The following ACSS3 variants were observed in gnomAD, a reference collection of about 807,000 sequenced individuals.
ACSS3 encodes the protein acyl-CoA synthetase short-chain family member 3, mitochondrial.
In ACSS3, 64 loss-of-function variants were observed where a neutral mutation model predicts 84.2. The ratio of observed to expected loss-of-function variants is 0.76; its 90% CI spans 0.62 to 0.94. The LOEUF (loss-of-function observed/expected upper bound fraction) is 0.94. Among genes scored for constraint, ACSS3 ranks in the 40% least tolerant of loss-of-function variants. The pLI, the probability that ACSS3 is intolerant of heterozygous loss-of-function variation, is 0.00. For synonymous variants in ACSS3, 317 were observed against 310.1 expected (o/e 1.02, Z -0.23); for missense variants, 815 against 867.6 (o/e 0.94, Z 0.76).
chr12:81,118,149 C>T (rs1884208255), intron 2 of ACSS3: 1 of 152,128 alleles, frequency 6.6e-6, no homozygotes, highest in Non-Finnish European at 1.5e-5. Flanking sequence ...TAAACATTTA[C>T]TTAATAACTG....
chr12:81,122,924 T>C (rs918191994), intron 2 of ACSS3, among the ~76,000 whole-genome samples: 1 of 152,202 alleles, frequency 6.6e-6, no homozygotes, highest in East Asian at 1.9e-4. Context: ...AAAAATCATT[T>C]GAAAAATTTT....
At chr12:81,250,545 AC>A (rs2034120828) in intron 13 of ACSS3, among the ~76,000 whole-genome samples, 1 of 152,132 alleles carries the variant, frequency 6.6e-6, no homozygotes, top group African/African-American at 2.4e-5. Context: ...AAGACTAAGG[AC>A]AAAAACTTAG....
chr12:81,213,596 C>G (rs1228810847), intron 9 of ACSS3, among the ~76,000 whole-genome samples: 1 of 19,384 alleles, frequency 5.2e-5, no homozygotes, highest in Non-Finnish European at 1.0e-4. Context: ...CCTCCCCTCC[C>G]CTCCCCTCCC....
At chr12:81,120,057 G>C (rs887692623) in intron 2 of ACSS3, among the ~76,000 whole-genome samples, 6 of 147,492 alleles carry the variant, frequency 4.1e-5, no homozygotes, top group African/African-American at 1.5e-4. Context: ...TAGAAGCTGG[G>C]TCAAGTAATA....
intron 9 of ACSS3, among the ~76,000 whole-genome samples, chr12:81,200,190 A>G (rs1223134901): frequency 6.6e-6 from 1 of 152,166 alleles, no homozygotes; most frequent in South Asian, 2.1e-4. Flanking sequence ...GGATGGCTAT[A>G]TATATGAGAA....
At chr12:81,226,086 T>A (rs914042593) in intron 11 of ACSS3, among the ~76,000 whole-genome samples, 13 of 151,892 alleles carry the variant, frequency 8.6e-5, no homozygotes, top group African/African-American at 2.9e-4. Flanking sequence ...TGTTTATTTC[T>A]TAATCAGTCT....
chr12:81,101,307 A>G (rs1882492698), intron 1 of ACSS3, among the ~76,000 whole-genome samples: 1 of 152,186 alleles, frequency 6.6e-6, no homozygotes, highest in South Asian at 2.1e-4. Flanking sequence ...ATTAAAATTT[A>G]TATTTTTTAT....
intron 7 of ACSS3, among the ~76,000 whole-genome samples, chr12:81,165,182 T>C (rs1391766801): frequency 6.6e-6 from 1 of 152,200 alleles, no homozygotes; most frequent in African/African-American, 2.4e-5. Flanking sequence ...TGTCTATGTT[T>C]TATGTTGGAG....
At chr12:81,213,811 C>CTCTTCTCTTCTCTTA (rs1259566297) in intron 9 of ACSS3, among the ~76,000 whole-genome samples, 1 of 51,098 alleles carries the variant, frequency 2.0e-5, no homozygotes, top group Non-Finnish European at 5.0e-5. Flanking sequence ...CTCTTCTCTT[C>CTCTTCTCTTCTCTTA]TCTTCTCTTC....
intron 1 of ACSS3, among the ~76,000 whole-genome samples, chr12:81,080,957 G>A (rs10506840): frequency 0.078 from 11,821 of 152,240 alleles, 600 homozygotes; most frequent in South Asian, 0.13. Flanking sequence ...GGGAGATATT[G>A]ACAGCCAAGT....
At chr12:81,101,712 G>C (rs1320156673) in intron 1 of ACSS3, among the ~76,000 whole-genome samples, 1 of 151,972 alleles carries the variant, frequency 6.6e-6, no homozygotes, top group Non-Finnish European at 1.5e-5. Context: ...CATTATACGA[G>C]AATGCTGTTT....
chr12:81,252,813 C>G (rs917304234), intron 13 of ACSS3, among the ~76,000 whole-genome samples: 9 of 152,002 alleles, frequency 5.9e-5, no homozygotes, highest in African/African-American at 1.9e-4. Flanking sequence ...GGGTGGGTGG[C>G]CACTAGAGGA....
rs570572273 is a variant in ACSS3 at position 81,219,888 on chromosome 12, C to T, written c.1451-125C>T. The T allele has an allele frequency of 8.2e-4, 404 of 491,350 alleles. 3 individuals are homozygous for T. The East Asian group carries it at 0.015, about 18-fold the overall frequency. 30.4% of individuals were successfully genotyped at this position (491,350 alleles called of 1,614,324 possible). A position where few individuals can be genotyped will look rare whatever the true frequency, so the allele number is the denominator to read the frequency against. ...ATTTTAGTTTATATTTGTTCATGGTCTCACAGGAATTAAAAGATTACTCTC... is the reference window on the plus strand; with the variant it reads ...ATTTTAGTTTATATTTGTTCATGGTTTCACAGGAATTAAAAGATTACTCTC... On this transcript the variant is annotated intron_variant, in intron 10 of 15. Coordinates refer to ENST00000548058, the MANE Select transcript of ACSS3 (RefSeq NM_024560.4).
At chr12:81,142,302 A>G (rs1434432059) in intron 4 of ACSS3, among the ~76,000 whole-genome samples, 1 of 152,220 alleles carries the variant, frequency 6.6e-6, no homozygotes. Context: ...GAAAAAAACT[A>G]GGCTTTTAAT....
At chr12:81,253,145 T>C (rs1269352911) in intron 13 of ACSS3, among the ~76,000 whole-genome samples, 162 bp from the exon 14 acceptor site, 1 of 152,220 alleles carries the variant, frequency 6.6e-6, no homozygotes, top group African/African-American at 2.4e-5. Flanking sequence ...CTTATGAATT[T>C]TCAATAGGCA....
intron 4 of ACSS3, 142 bp from the exon 5 acceptor site, chr12:81,142,965 T>C: frequency 3.9e-6 from 3 of 762,406 alleles, no homozygotes; most frequent in Admixed American, 4.0e-5. Flanking sequence ...ACTTGAACTT[T>C]TTAGTCATAA....
chr12:81,143,277 T>C (rs1233966645), intron 5 of ACSS3, 30 bp downstream of exon 5: 4 of 1,493,862 alleles, frequency 2.7e-6, no homozygotes, highest in Non-Finnish European at 3.6e-6. Flanking sequence ...TAACTATCTA[T>C]AGCAGTAGAT....
chr12:81,199,252 A>G, intron 8 of ACSS3, 89 bp from the exon 9 acceptor site: 1 of 1,095,512 alleles, frequency 9.1e-7, no homozygotes, highest in Non-Finnish European at 1.3e-6. Context: ...TGACATAATG[A>G]GTGTGGTTAA....
intron 2 of ACSS3, among the ~76,000 whole-genome samples, chr12:81,134,060 G>A (rs1318092242): frequency 6.7e-6 from 1 of 149,898 alleles, no homozygotes; most frequent in Non-Finnish European, 1.5e-5. Context: ...TATATGTTGA[G>A]GTCTCAAAAA....
Sources: gnomAD v4.1 joint callset for allele counts (sites outside exome capture counted in the v4.1 genomes callset) on GRCh38, gnomAD v4.1.1 for gene constraint, MANE v1.5 for transcripts, NCBI Gene and HGNC (gene_info 2026-07-23, HGNC 2026-07-21) for gene names.